The following XYLT1 variants were observed in gnomAD, a reference collection of about 807,000 sequenced individuals.
The protein encoded by XYLT1 is beta-D-xylosyltransferase 1.
In XYLT1, 36 loss-of-function variants were observed where a neutral mutation model predicts 91.3. That is an observed-to-expected ratio of 0.39 (90% CI 0.30 to 0.52). XYLT1 has a LOEUF of 0.52. XYLT1 is among the 20% of genes least tolerant of loss of function. The pLI is 0.68. For missense variants in XYLT1, 1,242 were observed against 1,284.5 expected (o/e 0.97, Z 0.51); for synonymous variants, 588 against 532.0 (o/e 1.11, Z -1.45).
chr16:17,409,609 A>G (rs1029688526), intron 1 of XYLT1, among the ~76,000 whole-genome samples: 1 of 140,902 alleles, frequency 7.1e-6, no homozygotes, highest in Non-Finnish European at 1.5e-5. Context: ...GAGTGCAGTG[A>G]CGTGATCTCG....
chr16:17,189,695 C>T (rs2032266437), intron 5 of XYLT1, among the ~76,000 whole-genome samples: 1 of 152,206 alleles, frequency 6.6e-6, no homozygotes, highest in African/African-American at 2.4e-5. Flanking sequence ...CGATATTAAG[C>T]TAAGTGAAAT....
At chr16:17,233,722 T>C (rs1032320680) in intron 3 of XYLT1, among the ~76,000 whole-genome samples, 1 of 152,240 alleles carries the variant, frequency 6.6e-6, no homozygotes, top group African/African-American at 2.4e-5. Context: ...AGCCTGGGCC[T>C]GCAGTTCTCA....
At chr16:17,173,213 T>C (rs547181129) in intron 5 of XYLT1, among the ~76,000 whole-genome samples, 91 of 152,306 alleles carry the variant, frequency 6.0e-4, no homozygotes, top group African/African-American at 2.0e-3. Context: ...GATCGTATTA[T>C]AAATTGTCAA....
chr16:17,311,262 C>A (rs373205700), intron 2 of XYLT1, among the ~76,000 whole-genome samples: 1 of 152,316 alleles, frequency 6.6e-6, no homozygotes, highest in African/African-American at 2.4e-5. Context: ...AATGCAGACT[C>A]CCAGGCCCCA....
intron 3 of XYLT1, among the ~76,000 whole-genome samples, chr16:17,240,598 T>C (rs1461816754): frequency 6.6e-6 from 1 of 152,220 alleles, no homozygotes; most frequent in Non-Finnish European, 1.5e-5. Context: ...GTCTTGCTGC[T>C]GGTTGAAATG....
chr16:17,133,150 C>T lies in XYLT1; in HGVS notation c.2027+1323G>A, dbSNP rs142722338. Reference sequence around the variant, plus strand: ...TCAGAAACTTTACGGAGAGAGAAGCCGAGGGATGTGAGGAGGTGATGGGAC... The same window carrying T: ...TCAGAAACTTTACGGAGAGAGAAGCTGAGGGATGTGAGGAGGTGATGGGAC... On this transcript the variant is annotated intron_variant, in intron 9 of 11. Coordinates refer to ENST00000261381, the MANE Select transcript of XYLT1 (RefSeq NM_022166.4). Among the ~76,000 whole-genome samples, 698 of 152,144 alleles carry T rather than the reference C, an allele frequency of 4.6e-3. 1 individual carries two copies. The highest frequency in any genetic ancestry group is 6.8e-3 in the Middle Eastern group (2 of 294).
chr16:17,322,834 C>CTA (rs2034744861), intron 2 of XYLT1, among the ~76,000 whole-genome samples: 1 of 152,070 alleles, frequency 6.6e-6, no homozygotes, highest in South Asian at 2.1e-4. Context: ...CTCCTATAGA[C>CTA]TATAGACTCC....
At chr16:17,198,167 G>A in intron 5 of XYLT1, 45 bp downstream of exon 5, 1 of 1,604,546 alleles carries the variant, frequency 6.2e-7, no homozygotes, top group Non-Finnish European at 8.5e-7. Flanking sequence ...ACCAGCCAGA[G>A]CAGGACGTCA....
At chr16:17,282,962 C>CA (rs1555493996) in intron 2 of XYLT1, among the ~76,000 whole-genome samples, 1 of 151,756 alleles carries the variant, frequency 6.6e-6, no homozygotes, top group Non-Finnish European at 1.5e-5. Flanking sequence ...AATAAGTCAC[C>CA]CCCCCCAAGT....
Position 17,249,144 on chromosome 16 carries a change from C to T in XYLT1, c.913+9844G>A, listed in dbSNP as rs552372179. ...CCAAATGAATCCATCCAAACTAGTT[C>T]CTGGCATAGACAGGGGATGCTCGAT... On this transcript the variant is annotated intron_variant, in intron 3 of 11. Transcript: ENST00000261381. 1.9e-4 allele frequency among the ~76,000 whole-genome samples: 29 copies of T among 152,292 alleles called. No homozygotes were observed. The East Asian group carries it at 4.8e-3, about 25-fold the overall frequency.
intron 6 of XYLT1, among the ~76,000 whole-genome samples, chr16:17,143,421 C>T (rs1162904157): frequency 2.0e-5 from 3 of 152,200 alleles, no homozygotes; most frequent in Non-Finnish European, 2.9e-5. Flanking sequence ...TGGGAGCTTA[C>T]AGTCTAGAGT....
intron 2 of XYLT1, among the ~76,000 whole-genome samples, chr16:17,260,754 G>A (rs1220734116): frequency 6.6e-6 from 1 of 152,210 alleles, no homozygotes; most frequent in Non-Finnish European, 1.5e-5. Flanking sequence ...CAATAGCAGA[G>A]TGAATAGTTG....
rs550658014 is a variant in XYLT1, at chr16:17,199,301, G to A, written c.1087-887C>T. On this transcript the variant is annotated intron_variant, in intron 4 of 11. Coordinates refer to ENST00000261381, the MANE Select transcript of XYLT1 (RefSeq NM_022166.4). ...ACCTCAGGGACAAGGTAGCTCGGGA[G>A]TCAGCAGGGCTGATGCAGGTTTTTG... Among the ~76,000 whole-genome samples the A allele has an allele frequency of 2.0e-4, 31 of 152,318 alleles. 1 individual carries two copies. In the South Asian group the frequency reaches 6.4e-3, roughly 32 times the overall value.
At chr16:17,353,151 G>A (rs891328588) in intron 2 of XYLT1, among the ~76,000 whole-genome samples, 1 of 152,208 alleles carries the variant, frequency 6.6e-6, no homozygotes, top group African/African-American at 2.4e-5. Flanking sequence ...TTTTCCTCCT[G>A]ATGCCTTTGA....
chr16:17,448,896 A>T (rs758921371), intron 1 of XYLT1, among the ~76,000 whole-genome samples: 68 of 152,272 alleles, frequency 4.5e-4, no homozygotes, highest in Non-Finnish European at 8.4e-4. Flanking sequence ...GTTCATCATC[A>T]TCCCCATTTT....
intron 8 of XYLT1, among the ~76,000 whole-genome samples, chr16:17,136,070 A>G (rs1038240153): frequency 3.3e-5 from 5 of 152,202 alleles, no homozygotes; most frequent in African/African-American, 9.7e-5. Flanking sequence ...CACTGTTTTC[A>G]TGGTGGTAGA....
intron 1 of XYLT1, among the ~76,000 whole-genome samples, chr16:17,387,875 C>T (rs189208225): frequency 6.5e-4 from 99 of 152,286 alleles, no homozygotes; most frequent in Non-Finnish European, 1.2e-3. Flanking sequence ...CAGAGGAATA[C>T]ACAAGTGCAT....
chr16:17,163,592 A>C (rs142243293), intron 5 of XYLT1, among the ~76,000 whole-genome samples: 1 of 152,358 alleles, frequency 6.6e-6, no homozygotes, highest in East Asian at 1.9e-4. Context: ...CTCACAGCCC[A>C]ACGGTGAGGT....
rs553126312 is a variant in XYLT1, at chr16:17,191,128, G to C, written c.1289+7084C>G. Among the ~76,000 whole-genome samples the C allele has an allele frequency of 2.6e-5, 4 of 152,288 alleles. No individual in the cohort carries two copies. In the South Asian group the frequency reaches 8.3e-4, roughly 32 times the overall value. On this transcript the variant is annotated intron_variant, in intron 5 of 11. Transcript: ENST00000261381. ...ATAAGCAGAAAAGAGGGATGAGGAAGGGGCTTTACTGGCCCAACCAAGAAA... is the reference window on the plus strand; with the variant it reads ...ATAAGCAGAAAAGAGGGATGAGGAACGGGCTTTACTGGCCCAACCAAGAAA...
Sources: gnomAD v4.1 joint callset for allele counts (sites outside exome capture counted in the v4.1 genomes callset) on GRCh38, gnomAD v4.1.1 for gene constraint, MANE v1.5 for transcripts, NCBI Gene and HGNC (gene_info 2026-07-23, HGNC 2026-07-21) for gene names.